Variants in TBK1 observed in about 807,000 individuals in gnomAD.
The protein encoded by TBK1 is TANK binding kinase 1.
A neutral mutation model predicts 99.9 loss-of-function variants in TBK1; 37 were observed. That is an observed-to-expected ratio of 0.37 (90% CI 0.28 to 0.49). The LOEUF (loss-of-function observed/expected upper bound fraction) is 0.49, where lower values mean the gene tolerates loss of function less well. Ranked by LOEUF, TBK1 falls within the 20% of genes least tolerant of loss-of-function variation. TBK1 has a pLI of 0.98. For missense variants in TBK1, 644 were observed against 872.5 expected (o/e 0.74, Z 3.30); for synonymous variants, 258 against 279.8 (o/e 0.92, Z 0.78).
intron 10 of TBK1, 116 bp from the exon 11 acceptor site, chr12:64,485,810 A>G (rs1419144108): frequency 3.6e-5 from 23 of 632,564 alleles, no homozygotes; most frequent in Non-Finnish European, 5.4e-5. Flanking sequence ...TTGGTGGTTT[A>G]TTGTGTTTTT....
chr12:64,501,210 C>T, intron 20 of TBK1, 120 bp from the exon 21 acceptor site: 1 of 926,114 alleles, frequency 1.1e-6, no homozygotes. Context: ...ATCATAGTTA[C>T]TTAAACTCTT....
At chr12:64,492,818 G>A (rs1011757946) in intron 13 of TBK1, among the ~76,000 whole-genome samples, 7 of 151,162 alleles carry the variant, frequency 4.6e-5, no homozygotes, top group African/African-American at 7.3e-5. Flanking sequence ...CACCTCCTGG[G>A]TTCAAGTGAT....
chr12:64,495,983 G>T, intron 15 of TBK1: 1 of 472,318 alleles, frequency 2.1e-6, no homozygotes, highest in South Asian at 3.0e-5. Flanking sequence ...TTAAATCAGG[G>T]TCATGAACAC....
intron 13 of TBK1, among the ~76,000 whole-genome samples, chr12:64,491,104 T>C (rs1460711387): frequency 6.6e-6 from 1 of 152,116 alleles, no homozygotes; most frequent in East Asian, 1.9e-4. Context: ...CTGAATCTCT[T>C]ATTAACATGT....
At chr12:64,465,500 CAAA>C (rs10714405) in intron 4 of TBK1, among the ~76,000 whole-genome samples, 6 of 139,846 alleles carry the variant, frequency 4.3e-5, no homozygotes, top group Non-Finnish European at 4.8e-5. Context: ...TTCATAATAG[CAAA>C]AAAAAAAAAA....
chr12:64,497,572 C>G, intron 18 of TBK1, 76 bp from the exon 19 acceptor site: 2 of 962,292 alleles, frequency 2.1e-6, no homozygotes, highest in Non-Finnish European at 3.1e-6. Context: ...CACTTGATGT[C>G]AGATCTGTAG....
chr12:64,501,030 A>C (rs892324964), intron 20 of TBK1, among the ~76,000 whole-genome samples: 2 of 152,150 alleles, frequency 1.3e-5, no homozygotes, highest in African/African-American at 4.8e-5. Context: ...AAGTGCTGGG[A>C]TTACAGGCGT....
intron 6 of TBK1, among the ~76,000 whole-genome samples, chr12:64,475,021 G>A (rs2040697538): frequency 6.6e-6 from 1 of 152,140 alleles, no homozygotes; most frequent in African/African-American, 2.4e-5. Flanking sequence ...AGGAGGCTGA[G>A]GTGGTAGGAT....
chr12:64,485,643 AC>A, intron 10 of TBK1, 130 bp downstream of exon 10: 1 of 497,996 alleles, frequency 2.0e-6, no homozygotes, highest in South Asian at 4.9e-5. Flanking sequence ...TTAAATTGAT[AC>A]CCTTTCCAAG....
At chr12:64,499,847 G>T (rs1036917796) in intron 20 of TBK1, among the ~76,000 whole-genome samples, 1 of 151,732 alleles carries the variant, frequency 6.6e-6, no homozygotes, top group Non-Finnish European at 1.5e-5. Context: ...ACAGGCACAC[G>T]CCACCATGCC....
intron 12 of TBK1, among the ~76,000 whole-genome samples, chr12:64,488,874 C>A (rs956794812): frequency 6.6e-6 from 1 of 152,178 alleles, no homozygotes; most frequent in South Asian, 2.1e-4. Context: ...CGCCTGTAGT[C>A]CCAGCAACTC....
intron 5 of TBK1, among the ~76,000 whole-genome samples, chr12:64,469,618 C>G (rs1178712675): frequency 1.3e-5 from 2 of 152,178 alleles, no homozygotes; most frequent in African/African-American, 4.8e-5. Context: ...CAGACATTCC[C>G]CTTGTCTTTT....
At chr12:64,484,055 A>C in intron 8 of TBK1, 4 of 268,994 alleles carry the variant, frequency 1.5e-5, no homozygotes, top group East Asian at 1.5e-4. Context: ...ACACAGAGGA[A>C]AGAAAATATT....
chr12:64,491,284 C>T (rs1047793545), intron 13 of TBK1, among the ~76,000 whole-genome samples: 6 of 151,996 alleles, frequency 3.9e-5, no homozygotes, highest in East Asian at 3.9e-4. Flanking sequence ...TTACCCTGCC[C>T]GTCTTATGGG....
chr12:64,456,839 TAAA>T (rs532644739), intron 2 of TBK1, among the ~76,000 whole-genome samples: 9 of 118,584 alleles, frequency 7.6e-5, no homozygotes, highest in Admixed American at 1.7e-4. Context: ...AAGACTCAAT[TAAA>T]AAAAAAAAAA....
At chr12:64,480,168 G>T in intron 7 of TBK1, 46 bp downstream of exon 7, 2 of 1,431,754 alleles carry the variant, frequency 1.4e-6, no homozygotes, top group South Asian at 2.5e-5. Flanking sequence ...TTTGGTGTTT[G>T]AAATCTTTGT....
At chr12:64,496,445 C>A (rs973093289) in intron 16 of TBK1, 39 bp downstream of exon 16, 3 of 1,083,600 alleles carry the variant, frequency 2.8e-6, no homozygotes, top group Non-Finnish European at 2.6e-6. Context: ...ATTTTTGGTG[C>A]TATTTTGGTT....
At chr12:64,491,565 G>T (rs531434512) in intron 13 of TBK1, among the ~76,000 whole-genome samples, 1 of 152,298 alleles carries the variant, frequency 6.6e-6, no homozygotes, top group South Asian at 2.1e-4. Flanking sequence ...GAACGTTACA[G>T]TGAGCCGAGA....
chr12:64,466,802 T>A (rs1014696702), intron 4 of TBK1, 99 bp from the exon 5 acceptor site: 5 of 973,732 alleles, frequency 5.1e-6, no homozygotes. Flanking sequence ...TATGGAAAAA[T>A]TTATATTAAG....
Sources: gnomAD v4.1 joint callset for allele counts (sites outside exome capture counted in the v4.1 genomes callset) on GRCh38, gnomAD v4.1.1 for gene constraint, MANE v1.5 for transcripts, NCBI Gene and HGNC (gene_info 2026-07-23, HGNC 2026-07-21) for gene names.